The following NVL variants were observed in gnomAD, a reference collection of about 807,000 sequenced individuals.
NVL encodes the protein nuclear valosin-containing protein-like.
Under a neutral mutation model 110.2 loss-of-function variants are expected in NVL, and 84 were observed. That is an observed-to-expected ratio of 0.76 (90% CI 0.64 to 0.91). The LOEUF (loss-of-function observed/expected upper bound fraction) is 0.91, where lower values mean the gene tolerates loss of function less well. Ranked by LOEUF, NVL falls within the 40% of genes least tolerant of loss-of-function variation. NVL has a pLI of 0.00. For missense variants in NVL, 882 were observed against 1,035.9 expected (o/e 0.85, Z 2.04); for synonymous variants, 354 against 361.1 (o/e 0.98, Z 0.22).
At position 224,231,220 on chromosome 1, in the gene NVL, G is replaced by A. The variant is rs201620328; in HGVS notation, c.2526+6C>T. The A allele has an allele frequency of 2.2e-5, 36 of 1,600,500 alleles. No individual in the cohort carries two copies. The highest frequency in any genetic ancestry group is 2.8e-5 in the Non-Finnish European group (33 of 1,169,444). ...CTTTCTCTATGCATTTAATGGCATT[G>A]CTTACCTTTTTTGATATAGATGATC... is the stretch of plus-strand genomic sequence containing the variant. On this transcript the variant is annotated splice_donor_region_variant and intron_variant, in intron 22 of 22. Transcript: ENST00000281701.
chr1:224,252,599 C>G (rs1662628197), intron 18 of NVL, among the ~76,000 whole-genome samples: 1 of 152,120 alleles, frequency 6.6e-6, no homozygotes, highest in Non-Finnish European at 1.5e-5. Flanking sequence ...TTATGGAACC[C>G]ATATACTTAT....
Position 224,240,520 on chromosome 1 carries a change from T to C in NVL, c.2290-3938A>G, listed in dbSNP as rs545301707. ...GCCACAGCGCCCAGCAGAGGAGGAA[T>C]TTTCCTCACATTTGCATAATGGGAG... On this transcript the variant is annotated intron_variant, in intron 19 of 22. Coordinates refer to ENST00000281701, the MANE Select transcript of NVL (RefSeq NM_002533.4). Among the ~76,000 whole-genome samples the C allele has an allele frequency of 1.1e-4, 17 of 152,268 alleles. No homozygotes were observed. The South Asian group carries it at 3.5e-3, about 32-fold the overall frequency.
chr1:224,236,482 T>C (rs912206193), intron 20 of NVL, 24 bp downstream of exon 20: 13 of 1,587,314 alleles, frequency 8.2e-6, no homozygotes, highest in African/African-American at 5.4e-5. Context: ...AGAGAGTGAA[T>C]TGACTTAAGA....
chr1:224,275,531 G>C, intron 16 of NVL, 73 bp from the exon 17 acceptor site: 1 of 1,579,716 alleles, frequency 6.3e-7, no homozygotes, highest in Non-Finnish European at 8.7e-7. Context: ...ATACTAAACA[G>C]TTTTATGTGA....
intron 18 of NVL, among the ~76,000 whole-genome samples, chr1:224,256,107 C>T (rs902174026): frequency 4.6e-5 from 7 of 151,976 alleles, no homozygotes; most frequent in African/African-American, 9.7e-5. Flanking sequence ...ATTACCATGC[C>T]GTTGAAACAT....
rs917656646 is a variant in NVL at position 224,330,121 on chromosome 1, G to A, written c.7C>T (p.Pro3Ser). Reference sequence around the variant, plus strand: ...TTATCCACGAACCCTGCAGGTCTGGGCTTCATCGCGTCGGTCTTCCAAGCC... The same window carrying A: ...TTATCCACGAACCCTGCAGGTCTGGACTTCATCGCGTCGGTCTTCCAAGCC... Reference protein sequence around the residue: MKPRPAGFVDNKL... With the variant: MKSRPAGFVDNKL... The change falls in exon 1 of 23, where the codon CCC becomes TCC. Residue 3 changes from proline (P) to serine (S), a missense_variant. Physicochemically the swap from Pro to Ser is moderately conservative, Grantham distance 74 (BLOSUM62 -1). Transcript: ENST00000281701. 6.2e-7 allele frequency: 1 copy of A among 1,614,036 alleles called. No homozygotes were observed.
chr1:224,245,036 G>T (rs1394552069), intron 19 of NVL, among the ~76,000 whole-genome samples: 1 of 152,086 alleles, frequency 6.6e-6, no homozygotes. Flanking sequence ...TGAAGAAGTT[G>T]CTTTGACCTA....
chr1:224,240,783 C>CTTTTTTTT (rs59138570), intron 19 of NVL, among the ~76,000 whole-genome samples: 4 of 82,662 alleles, frequency 4.8e-5, no homozygotes, highest in African/African-American at 1.0e-4. Flanking sequence ...ACAAACTGTC[C>CTTTTTTTT]TTTTTTTTTT....
rs749606907 is a variant in NVL, at chr1:224,229,300, A to AAAAT, written c.2527-1634_2527-1631dup. ...AACAAGAGTGAAACTCTGTCTCAAA[A>AAAAT]AAATAAATAAATAAATAAATAAATA... On this transcript the variant is annotated intron_variant, in intron 22 of 22. Transcript: ENST00000281701. Among the ~76,000 whole-genome samples, 105 of 151,736 alleles carry AAAAT rather than the reference A, an allele frequency of 6.9e-4. 2 individuals carry two copies. The South Asian group carries it at 0.015, about 22-fold the overall frequency.
At chr1:224,243,382 G>A (rs1020644039) in intron 19 of NVL, among the ~76,000 whole-genome samples, 3 of 151,808 alleles carry the variant, frequency 2.0e-5, no homozygotes, top group African/African-American at 7.3e-5. Flanking sequence ...GATCACTTGA[G>A]CCTGGGAGGT....
At chr1:224,231,132 CAAAAA>C in intron 22 of NVL, 89 bp downstream of exon 22, 6 of 654,080 alleles carry the variant, frequency 9.2e-6, no homozygotes, top group South Asian at 1.7e-5. Context: ...GACTCCGTCT[CAAAAA>C]AAAAAAAAAA....
intron 4 of NVL, among the ~76,000 whole-genome samples, chr1:224,313,538 G>A (rs1030096216): frequency 4.6e-5 from 7 of 152,172 alleles, no homozygotes; most frequent in African/African-American, 1.7e-4. Context: ...GGGGAAAGCA[G>A]TTGTAATGCA....
chr1:224,291,113 T>C (rs1016256422), intron 12 of NVL, among the ~76,000 whole-genome samples: 1 of 152,256 alleles, frequency 6.6e-6, no homozygotes, highest in Non-Finnish European at 1.5e-5. Flanking sequence ...ATCTATATTA[T>C]AGTAGCACTT....
intron 17 of NVL, among the ~76,000 whole-genome samples, chr1:224,270,671 T>C (rs533838814): frequency 5.3e-5 from 8 of 152,160 alleles, no homozygotes; most frequent in African/African-American, 1.7e-4. Flanking sequence ...AAAAGACTAC[T>C]TTCCATCATA....
At chr1:224,286,188 A>G in intron 14 of NVL, 58 bp from the exon 15 acceptor site, 1 of 1,250,414 alleles carries the variant, frequency 8.0e-7, no homozygotes, top group South Asian at 1.3e-5. Context: ...CTGCAGGTTC[A>G]AATTATTTCC....
chr1:224,290,879 A>G (rs1667314410), intron 12 of NVL, among the ~76,000 whole-genome samples: 1 of 151,724 alleles, frequency 6.6e-6, no homozygotes, highest in Non-Finnish European at 1.5e-5. Context: ...CTGAGGAAGG[A>G]GAATTGCTTG....
rs554033029 is a variant in NVL, at chr1:224,234,832, A to T, written c.2367-1543T>A. Reference sequence around the variant, plus strand: ...GAAAATCCAAAATGTACACCATTCAACTTTAGCCCTAACCCCTTCACAGAC... The same window carrying T: ...GAAAATCCAAAATGTACACCATTCATCTTTAGCCCTAACCCCTTCACAGAC... On this transcript the variant is annotated intron_variant, in intron 20 of 22. Transcript: ENST00000281701. 2.0e-5 allele frequency among the ~76,000 whole-genome samples: 3 copies of T among 152,278 alleles called. No individual in the cohort carries two copies. In the South Asian group the frequency reaches 6.2e-4, roughly 32 times the overall value.
intron 10 of NVL, among the ~76,000 whole-genome samples, 178 bp from the exon 11 acceptor site, chr1:224,296,796 C>G (rs188535286): frequency 1.5e-3 from 222 of 152,162 alleles, no homozygotes; most frequent in African/African-American, 4.9e-3. Flanking sequence ...TTAAGAGAAC[C>G]AAGATGATTA....
chr1:224,321,422 A>G (rs1315840602), intron 2 of NVL, among the ~76,000 whole-genome samples: 1 of 152,164 alleles, frequency 6.6e-6, no homozygotes, highest in Non-Finnish European at 1.5e-5. Context: ...CAGAATGTTT[A>G]AAAGCTGAAA....
Sources: allele counts gnomAD v4.1 joint callset (sites outside exome capture counted in the v4.1 genomes callset), GRCh38; gene constraint gnomAD v4.1.1; transcripts MANE v1.5; gene names NCBI Gene and HGNC (gene_info 2026-07-23, HGNC 2026-07-21).